The following LSAMP variants were observed in gnomAD, a reference collection of about 807,000 sequenced individuals.
LSAMP encodes the protein limbic system associated membrane protein, also known as limbic system-associated membrane protein.
A neutral mutation model predicts 38.6 loss-of-function variants in LSAMP; 7 were observed. The ratio of observed to expected loss-of-function variants is 0.18; its 90% CI spans 0.10 to 0.34. LSAMP has a LOEUF of 0.34. Among genes scored for constraint, LSAMP ranks in the 10% least tolerant of loss-of-function variants. The probability of loss-of-function intolerance (pLI) is 1.00; values close to 1 mark genes in which losing one functional copy is unlikely to be tolerated. For missense variants in LSAMP, 313 were observed against 420.0 expected (o/e 0.75, Z 2.23); for synonymous variants, 154 against 166.8 (o/e 0.92, Z 0.59).
chr3:115,918,480 G>T (rs1937303778), intron 3 of LSAMP, among the ~76,000 whole-genome samples: 1 of 152,096 alleles, frequency 6.6e-6, no homozygotes, highest in African/African-American at 2.4e-5. Flanking sequence ...GGGAGAAGGG[G>T]GCATTTTGTT....
At chr3:116,295,659 A>G (rs1205673923) in intron 1 of LSAMP, among the ~76,000 whole-genome samples, 5 of 152,142 alleles carry the variant, frequency 3.3e-5, no homozygotes, top group Admixed American at 2.0e-4. Flanking sequence ...TCACCATCTC[A>G]TATCAGAAGA....
chr3:116,208,493 C>T (rs2107602785), intron 1 of LSAMP, among the ~76,000 whole-genome samples: 2 of 152,310 alleles, frequency 1.3e-5, no homozygotes, highest in South Asian at 2.1e-4. Flanking sequence ...TTTAGAGTTT[C>T]CCGTTTTTCT....
intron 1 of LSAMP, among the ~76,000 whole-genome samples, chr3:116,381,809 C>G (rs897458129): frequency 2.0e-5 from 3 of 152,022 alleles, no homozygotes; most frequent in Non-Finnish European, 4.4e-5. Flanking sequence ...TTAACATCCC[C>G]TCTTAGGAGC....
At chr3:116,171,324 C>G (rs551871707) in intron 1 of LSAMP, among the ~76,000 whole-genome samples, 5 of 152,064 alleles carry the variant, frequency 3.3e-5, no homozygotes, top group African/African-American at 4.8e-5. Flanking sequence ...ACTATATTAG[C>G]TAGAGATGAG....
chr3:116,393,380 C>T (rs138488124), intron 1 of LSAMP, among the ~76,000 whole-genome samples: 10 of 152,342 alleles, frequency 6.6e-5, no homozygotes, highest in East Asian at 3.9e-4. Context: ...TGCAGCCTCA[C>T]AGAGAACCAG....
chr3:116,178,365 A>G lies in LSAMP; in HGVS notation c.156-91809T>C, dbSNP rs1330853677. 3.9e-5 allele frequency among the ~76,000 whole-genome samples: 6 copies of G among 152,034 alleles called. No individual in the cohort carries two copies. The South Asian group carries it at 1.2e-3, about 32-fold the overall frequency. On this transcript the variant is annotated intron_variant, in intron 1 of 6. Coordinates refer to ENST00000490035, the MANE Select transcript of LSAMP (RefSeq NM_002338.5). Reference sequence around the variant, plus strand: ...ATATTTTTAGTAGAGATGGGGTTTTACCACGTTGGCCAGGCTGGTCTCGAA... The same window carrying G: ...ATATTTTTAGTAGAGATGGGGTTTTGCCACGTTGGCCAGGCTGGTCTCGAA...
intron 3 of LSAMP, among the ~76,000 whole-genome samples, chr3:115,866,831 C>T (rs148801035): frequency 5.9e-5 from 9 of 152,100 alleles, no homozygotes; most frequent in Admixed American, 5.9e-4. Flanking sequence ...AATTATTTTC[C>T]CATTAAGACT....
At chr3:115,829,740 G>C (rs1380070282) in intron 6 of LSAMP, among the ~76,000 whole-genome samples, 1 of 152,192 alleles carries the variant, frequency 6.6e-6, no homozygotes, top group Non-Finnish European at 1.5e-5. Context: ...TATGATATTG[G>C]TAAGAAAATA....
At chr3:116,021,088 G>T (rs1940626209) in intron 2 of LSAMP, among the ~76,000 whole-genome samples, 1 of 152,088 alleles carries the variant, frequency 6.6e-6, no homozygotes, top group African/African-American at 2.4e-5. Flanking sequence ...CTCCACCTCA[G>T]CATTCCACTC....
At chr3:116,056,069 G>T (rs1394832467) in intron 2 of LSAMP, among the ~76,000 whole-genome samples, 1 of 152,086 alleles carries the variant, frequency 6.6e-6, no homozygotes, top group East Asian at 1.9e-4. Context: ...CTAATGCCAT[G>T]ATAATAAGGA....
At chr3:116,155,370 G>A (rs999818769) in intron 1 of LSAMP, among the ~76,000 whole-genome samples, 126 of 151,920 alleles carry the variant, frequency 8.3e-4, no homozygotes, top group African/African-American at 2.6e-3. Flanking sequence ...GGTTACAGGC[G>A]CCCACCACCA....
intron 3 of LSAMP, among the ~76,000 whole-genome samples, chr3:115,929,964 A>G (rs2107537851): frequency 7.1e-6 from 1 of 140,180 alleles, no homozygotes; most frequent in Middle Eastern, 4.2e-3. Context: ...GATACATACA[A>G]TAAATGTTTA....
At chr3:116,184,021 T>C (rs979205006) in intron 1 of LSAMP, among the ~76,000 whole-genome samples, 4 of 151,780 alleles carry the variant, frequency 2.6e-5, no homozygotes, top group Non-Finnish European at 5.9e-5. Context: ...CATCATCATA[T>C]GTGCTGTACG....
chr3:116,250,504 A>G (rs1483627235), intron 1 of LSAMP, among the ~76,000 whole-genome samples: 2 of 152,132 alleles, frequency 1.3e-5, no homozygotes, highest in African/African-American at 4.8e-5. Context: ...ATTATTATCA[A>G]TACTGGAACG....
chr3:116,110,313 G>A (rs1190380196), intron 1 of LSAMP, among the ~76,000 whole-genome samples: 7 of 152,058 alleles, frequency 4.6e-5, no homozygotes, highest in African/African-American at 9.7e-5. Context: ...AGGGGTTGGA[G>A]TACTTGCCCC....
At chr3:116,110,011 G>A (rs973436174) in intron 1 of LSAMP, among the ~76,000 whole-genome samples, 1 of 151,596 alleles carries the variant, frequency 6.6e-6, no homozygotes, top group Non-Finnish European at 1.5e-5. Context: ...TAGGGGTGAG[G>A]AAATAAGGGA....
intron 1 of LSAMP, among the ~76,000 whole-genome samples, chr3:116,194,457 T>C (rs1441860183): frequency 6.6e-6 from 1 of 152,148 alleles, no homozygotes; most frequent in Non-Finnish European, 1.5e-5. Flanking sequence ...TACATTGGCA[T>C]GATCTCAGCT....
At chr3:116,390,798 A>C (rs1428973730) in intron 1 of LSAMP, among the ~76,000 whole-genome samples, 1 of 150,966 alleles carries the variant, frequency 6.6e-6, no homozygotes, top group Admixed American at 6.6e-5. Flanking sequence ...AATAATATCC[A>C]TATATTCTGC....
chr3:115,962,344 T>C (rs1576260592), intron 3 of LSAMP, among the ~76,000 whole-genome samples: 1 of 152,216 alleles, frequency 6.6e-6, no homozygotes, highest in East Asian at 1.9e-4. Context: ...TAGTACTTTA[T>C]ACAAAACAGG....
Sources: allele counts gnomAD v4.1 joint callset (sites outside exome capture counted in the v4.1 genomes callset), GRCh38; gene constraint gnomAD v4.1.1; transcripts MANE v1.5; gene names NCBI Gene and HGNC (gene_info 2026-07-23, HGNC 2026-07-21).